The following SFMBT1 variants were observed in gnomAD, a reference collection of about 807,000 sequenced individuals.
SFMBT1 encodes the protein Scm like with four mbt domains 1, also known as scm-like with four MBT domains protein 1.
Under a neutral mutation model 108.7 loss-of-function variants are expected in SFMBT1, and 32 were observed. The observed-to-expected ratio is 0.29, with a 90% CI of 0.22 to 0.40. SFMBT1 has a LOEUF of 0.40. Ranked by LOEUF, SFMBT1 falls within the 10% of genes least tolerant of loss-of-function variation. The pLI, the probability that SFMBT1 is intolerant of heterozygous loss-of-function variation, is 1.00. For synonymous variants in SFMBT1, 348 were observed against 369.5 expected (o/e 0.94, Z 0.67); for missense variants, 816 against 1,059.6 (o/e 0.77, Z 3.19).
At chr3:53,034,144 AC>A (rs1298195851) in intron 1 of SFMBT1, among the ~76,000 whole-genome samples, 1 of 152,118 alleles carries the variant, frequency 6.6e-6, no homozygotes, top group Non-Finnish European at 1.5e-5. Flanking sequence ...CTTTTTAAAT[AC>A]AAAGGACTTT....
intron 6 of SFMBT1, 39 bp downstream of exon 6, chr3:52,932,023 G>T: frequency 6.3e-7 from 1 of 1,595,654 alleles, no homozygotes; most frequent in Non-Finnish European, 8.5e-7. Context: ...AACATAGCAT[G>T]TTAATGTCAC....
chr3:52,948,946 A>G (rs1160910757), intron 3 of SFMBT1, among the ~76,000 whole-genome samples: 1 of 142,734 alleles, frequency 7.0e-6, no homozygotes, highest in Non-Finnish European at 1.5e-5. Context: ...TACAGGTGTG[A>G]GCCACTGCAC....
At chr3:52,936,781 T>C (rs1703020839) in intron 4 of SFMBT1, among the ~76,000 whole-genome samples, 1 of 152,184 alleles carries the variant, frequency 6.6e-6, no homozygotes, top group African/African-American at 2.4e-5. Flanking sequence ...TCTTCTTACA[T>C]CACAATACTT....
chr3:52,921,885 C>T (rs1029481745), intron 10 of SFMBT1, 54 bp from the exon 11 acceptor site: 10 of 1,581,104 alleles, frequency 6.3e-6, no homozygotes, highest in African/African-American at 2.7e-5. Context: ...TATTAACTCA[C>T]GTGCTCAGCT....
chr3:53,045,387 G>GGGGCGCGCGGCGGGCC (rs1411944309), intron 1 of SFMBT1: 2 of 143,334 alleles, frequency 1.4e-5, no homozygotes, highest in African/African-American at 5.0e-5. Flanking sequence ...CGCGCGGGGA[G>GGGGCGCGCGGCGGGCC]GGGCGCGCGG....
intron 2 of SFMBT1, among the ~76,000 whole-genome samples, chr3:52,956,160 CA>C (rs1269217628): frequency 6.6e-6 from 1 of 152,190 alleles, no homozygotes; most frequent in African/African-American, 2.4e-5. Flanking sequence ...AACATCCCTT[CA>C]TGTTAAAAAC....
At chr3:53,045,337 G>T (rs1178913541) in intron 1 of SFMBT1, 2 of 144,614 alleles carry the variant, frequency 1.4e-5, no homozygotes, top group Non-Finnish European at 3.1e-5. Flanking sequence ...CGAGCCCGGG[G>T]GGCGGGTCCG....
intron 8 of SFMBT1, 61 bp downstream of exon 8, chr3:52,930,268 C>G: frequency 1.0e-6 from 1 of 1,003,044 alleles, no homozygotes. Flanking sequence ...AAAACACTAC[C>G]CATTTCCTAA....
At chr3:52,944,888 G>A (rs1164987777) in intron 3 of SFMBT1, among the ~76,000 whole-genome samples, 1 of 151,734 alleles carries the variant, frequency 6.6e-6, no homozygotes, top group East Asian at 1.9e-4. Context: ...TGCAATCTCG[G>A]CTCACTGCAA....
chr3:52,998,881 G>C (rs1698436846), intron 1 of SFMBT1, among the ~76,000 whole-genome samples: 1 of 150,508 alleles, frequency 6.6e-6, no homozygotes, highest in Non-Finnish European at 1.5e-5. Flanking sequence ...TGCTCGCCTA[G>C]CTGTTGATCG....
intron 1 of SFMBT1, among the ~76,000 whole-genome samples, chr3:53,018,688 C>T (rs1699204445): frequency 6.6e-6 from 1 of 152,202 alleles, no homozygotes; most frequent in Non-Finnish European, 1.5e-5. Context: ...ACCTAACTCA[C>T]TGGTACTGCT....
chr3:52,924,444 C>CA (rs1702600879), intron 10 of SFMBT1, among the ~76,000 whole-genome samples: 1 of 152,060 alleles, frequency 6.6e-6, no homozygotes, highest in Non-Finnish European at 1.5e-5. Context: ...GAGTTTGAGA[C>CA]CAGCCTGGCC....
At chr3:52,971,886 T>C (rs1176910432) in intron 1 of SFMBT1, among the ~76,000 whole-genome samples, 1 of 152,116 alleles carries the variant, frequency 6.6e-6, no homozygotes, top group Non-Finnish European at 1.5e-5. Context: ...CTGCTGTGGC[T>C]AGAGCATGCA....
At chr3:52,909,855 C>T in intron 17 of SFMBT1, among the ~76,000 whole-genome samples, 1 of 152,160 alleles carries the variant, frequency 6.6e-6, no homozygotes, top group Admixed American at 6.5e-5. Flanking sequence ...TAAGCAAGGA[C>T]AGCGAATAGG....
Position 52,916,160 on chromosome 3 carries a change from G to A in SFMBT1, c.1470C>T (p.Ser490=), listed in dbSNP as rs1457128117. ...HEGLRNQELN[S]TESVMINGKY... is the part of the protein sequence containing the mutation. ...GACATGTGCTTATACCTGACTCTGT[G>A]GAGTTCAGCTCCTGATTCCTCAGGC... is the stretch of plus-strand genomic sequence containing the variant. The change falls in exon 14 of 21, where the codon TCC becomes TCT. Residue 490 remains serine, a synonymous_variant. Transcript: ENST00000394752. The A allele has an allele frequency of 3.7e-6, 6 of 1,613,768 alleles. No homozygotes were observed. The highest frequency in any genetic ancestry group is 5.1e-6 in the Non-Finnish European group (6 of 1,179,912).
chr3:52,981,270 A>G (rs1704701483), intron 1 of SFMBT1, among the ~76,000 whole-genome samples: 1 of 152,136 alleles, frequency 6.6e-6, no homozygotes, highest in Admixed American at 6.6e-5. Context: ...CTTTAGGAGG[A>G]GAAGCAGCTT....
intron 12 of SFMBT1, 45 bp downstream of exon 12, chr3:52,920,492 A>G (rs1224763377): frequency 1.4e-6 from 2 of 1,386,110 alleles, no homozygotes; most frequent in Non-Finnish European, 2.0e-6. Flanking sequence ...GCCACACAGA[A>G]GATTATTTAA....
chr3:53,045,387 G>A (rs1197562285), intron 1 of SFMBT1: 3 of 143,334 alleles, frequency 2.1e-5, no homozygotes, highest in Admixed American at 1.4e-4. Flanking sequence ...CGCGCGGGGA[G>A]GGGCGCGCGG....
chr3:52,954,253 G>A (rs1185020437), intron 3 of SFMBT1, 64 bp downstream of exon 3: 1 of 1,210,342 alleles, frequency 8.3e-7, no homozygotes, highest in African/African-American at 1.5e-5. Flanking sequence ...ATTCTCTAAT[G>A]ATAATACAGA....
Sources: allele counts gnomAD v4.1 joint callset (sites outside exome capture counted in the v4.1 genomes callset), GRCh38; gene constraint gnomAD v4.1.1; transcripts MANE v1.5; gene names NCBI Gene and HGNC (gene_info 2026-07-23, HGNC 2026-07-21).